Variants in TPM1 observed in about 807,000 individuals in gnomAD.
The protein encoded by TPM1 is tropomyosin 1, also known as tropomyosin alpha-1 chain.
In TPM1, 24 loss-of-function variants were observed where a neutral mutation model predicts 42.9. The ratio of observed to expected loss-of-function variants is 0.56; its 90% confidence interval spans 0.41 to 0.79. TPM1 has a LOEUF of 0.79. Among genes scored for constraint, TPM1 ranks in the 30% least tolerant of loss-of-function variants. The probability of loss-of-function intolerance (pLI) is 0.00; values close to 1 mark genes in which losing one functional copy is unlikely to be tolerated. For synonymous variants in TPM1, 136 were observed against 130.1 expected (o/e 1.05, Z -0.31); for missense variants, 158 against 351.8 (o/e 0.45, Z 4.41).
At position 63,061,755 on chromosome 15, in the gene TPM1, C is replaced by T. The variant is rs1225777387; in HGVS notation, c.606C>T (p.Asn202=). The change falls in exon 6 of 10, where the codon AAC becomes AAT. Residue 202 remains asparagine, a synonymous_variant. Coordinates refer to ENST00000403994, the MANE Select transcript of TPM1 (RefSeq NM_001018005.2). Reference sequence around the variant, plus strand: ...AAGAAGAATTGAAAACTGTGACGAACAACTTGAAGTCACTGGAGGCTCAGG... The same window carrying T: ...AAGAAGAATTGAAAACTGTGACGAATAACTTGAAGTCACTGGAGGCTCAGG... ...ELEEELKTVT[N]NLKSLEAQAE... is the part of the protein sequence containing the mutation. The T allele has an allele frequency of 6.2e-7, 1 of 1,614,040 alleles. No homozygotes were observed. The highest frequency in any genetic ancestry group is 8.5e-7 in the Non-Finnish European group (1 of 1,180,002).
downstream of TPM1, chr15:63,066,301 TC>T: frequency 3.2e-6 from 2 of 633,230 alleles, no homozygotes; most frequent in Non-Finnish European, 4.2e-6. Flanking sequence ...AGGCCTGCAT[TC>T]CCTCTCAGAG....
chr15:63,048,004 G>T, intron 2 of TPM1: 1 of 295,826 alleles, frequency 3.4e-6, no homozygotes, highest in South Asian at 2.5e-5. Context: ...GGGAATGGGG[G>T]TAGTGCTTGG....
chr15:63,069,770 T>TGA, downstream of TPM1: 1 of 1,464,914 alleles, frequency 6.8e-7, no homozygotes, highest in Non-Finnish European at 9.5e-7. Context: ...CTGTCCTGCT[T>TGA]GAGGTCTCTT....
chr15:63,068,646 A>T (rs1444516772), downstream of TPM1, among the ~76,000 whole-genome samples: 1 of 152,168 alleles, frequency 6.6e-6, no homozygotes, highest in Admixed American at 6.5e-5. Flanking sequence ...AGCTGTTCCC[A>T]GTGCATACCG....
chr15:63,070,815 T>C, downstream of TPM1: 1 of 1,250,894 alleles, frequency 8.0e-7, no homozygotes, highest in East Asian at 4.3e-5. Flanking sequence ...CAGTGAACCT[T>C]CACCAAACCC....
rs2031852609 is a variant in TPM1 at position 63,044,038 on chromosome 15, G to A, written c.126G>A (p.Glu42=). The change falls in exon 2 of 10, where the codon GAG becomes GAA. Residue 42 remains glutamate (E), a synonymous_variant. Coordinates refer to ENST00000403994, the MANE Select transcript of TPM1 (RefSeq NM_001018005.2). ...TGGCCAACTCCCAGCTGGAAGATGA[G>A]CTGGTGTCACTGCAAAAGAAACTCA... ...AEDRSKQLED[E]LVSLQKKLKG... 1.2e-6 allele frequency: 2 copies of A among 1,613,998 alleles called. No individual in the cohort carries two copies. The highest frequency in any genetic ancestry group is 3.3e-5 in the Admixed American group (2 of 60,016).
chr15:63,070,088 G>C, downstream of TPM1: 1 of 1,528,620 alleles, frequency 6.5e-7, no homozygotes, highest in East Asian at 2.4e-5. Flanking sequence ...TGAAAGGCTG[G>C]CCTTGCCTGC....
intron 7 of TPM1, 133 bp from the exon 8 acceptor site, chr15:63,062,443 G>C (rs756429776): frequency 7.9e-7 from 1 of 1,264,496 alleles, no homozygotes; most frequent in African/African-American, 1.5e-5. Context: ...TCACAGAGGT[G>C]ACTGAAACTG....
At chr15:63,048,460 G>C in intron 2 of TPM1, 1 of 1,381,664 alleles carries the variant, frequency 7.2e-7, no homozygotes, top group African/African-American at 1.5e-5. Flanking sequence ...CGCACAGAGA[G>C]GCCTGGGCGG....
chr15:63,048,605 G>T, intron 2 of TPM1: 1 of 1,533,230 alleles, frequency 6.5e-7, no homozygotes, highest in East Asian at 2.5e-5. Context: ...TGGAGGCGGT[G>T]CGCAGGAAGA....
intron 2 of TPM1, chr15:63,047,016 G>T (rs530831748): frequency 5.9e-5 from 9 of 152,414 alleles, no homozygotes; most frequent in African/African-American, 1.9e-4. Flanking sequence ...GGCTGCTTAT[G>T]GCACTTGCCA....
chr15:63,057,231 C>A (rs922312254), intron 3 of TPM1, 113 bp downstream of exon 3: 4 of 1,436,234 alleles, frequency 2.8e-6, no homozygotes, highest in Non-Finnish European at 3.8e-6. Flanking sequence ...GTGGTGGGAT[C>A]ATTTCCTCTA....
chr15:63,048,483 C>T, intron 2 of TPM1: 7 of 1,428,210 alleles, frequency 4.9e-6, no homozygotes, highest in Non-Finnish European at 6.4e-6. Context: ...CGGACCGGCG[C>T]TGGGCAGCCA....
At chr15:63,059,196 A>G (rs2035251891) in intron 3 of TPM1, among the ~76,000 whole-genome samples, 1 of 152,220 alleles carries the variant, frequency 6.6e-6, no homozygotes, top group African/African-American at 2.4e-5. Flanking sequence ...GAGGCTTCCC[A>G]CAGGAAAGGC....
rs186168384 is a variant in TPM1 at position 63,064,612 on chromosome 15, G to T, written c.851+470G>T. On this transcript the variant is annotated intron_variant, in intron 9 of 9. Coordinates refer to ENST00000403994, the MANE Select transcript of TPM1 (RefSeq NM_001018005.2). ...TGAGAATCTGAGGATAAGGAAATTG[G>T]CATGATCCAATACAGCTTTAACAGT... 25 of 1,032,302 alleles carry T rather than the reference G, an allele frequency of 2.4e-5. No homozygotes were observed. The African/African-American group carries it at 4.1e-4, about 17-fold the overall frequency. 63.9% of individuals were successfully genotyped at this position (1,032,302 alleles called of 1,614,324 possible).
At chr15:63,062,696 C>T (rs538085950) in intron 8 of TPM1, 51 bp downstream of exon 8, 1 of 1,613,672 alleles carries the variant, frequency 6.2e-7, no homozygotes, top group South Asian at 1.1e-5. Flanking sequence ...TGAATACCAA[C>T]CTGGCAAAAC....
At chr15:63,046,558 T>C (rs8026502) in intron 2 of TPM1, 20,963 of 152,372 alleles carry the variant, frequency 0.14, 1,851 homozygotes, top group East Asian at 0.44. Flanking sequence ...GCTTAGAAGA[T>C]TGTCATTCAG....
At chr15:63,048,527 A>C (rs1016665438) in intron 2 of TPM1, 5 of 1,505,654 alleles carry the variant, frequency 3.3e-6, no homozygotes, top group Non-Finnish European at 4.4e-6. Context: ...GCAGGGCAGC[A>C]GCCGGCCTCT....
intron 2 of TPM1, chr15:63,056,760 T>C: frequency 1.7e-6 from 1 of 601,740 alleles, no homozygotes; most frequent in Non-Finnish European, 3.0e-6. Context: ...ATGAGAATTG[T>C]GTGTATAGAT....
Sources: allele counts gnomAD v4.1 joint callset (sites outside exome capture counted in the v4.1 genomes callset), GRCh38; gene constraint gnomAD v4.1.1; transcripts MANE v1.5; gene names NCBI Gene and HGNC (gene_info 2026-07-23, HGNC 2026-07-21).